The following SYBU variants were observed in gnomAD, a reference collection of about 807,000 sequenced individuals.
The protein encoded by SYBU is syntabulin, also known as GOLSYN A protein.
SYBU carries 21 observed loss-of-function variants against 35.9 expected under a neutral mutation model. That is an observed-to-expected ratio of 0.58 (90% CI 0.41 to 0.84). SYBU has a LOEUF of 0.84. Among genes scored for constraint, SYBU ranks in the 40% least tolerant of loss-of-function variants. SYBU has a pLI of 0.00. For synonymous variants in SYBU, 319 were observed against 324.3 expected (o/e 0.98, Z 0.18); for missense variants, 768 against 848.2 (o/e 0.91, Z 1.17).
intron 3 of SYBU, among the ~76,000 whole-genome samples, chr8:109,592,546 AGG>A (rs2129867233): frequency 6.6e-6 from 1 of 152,312 alleles, no homozygotes; most frequent in South Asian, 2.1e-4. Flanking sequence ...GGAGGCCAAG[AGG>A]GTCAGAGGCA....
rs1212559675 is a variant in SYBU at position 109,577,760 on chromosome 8, G to A, written c.884+108C>T. The A allele has an allele frequency of 2.4e-6, 3 of 1,257,074 alleles. No individual in the cohort carries two copies. In the Admixed American group the frequency reaches 7.8e-5, roughly 33 times the overall value. 77.9% of individuals were successfully genotyped at this position (1,257,074 alleles called of 1,614,324 possible). ...TGACTTTAAAAATTTGACCAAAATT[G>A]AATACAATCATTTTTTCTTTTCTAT... On this transcript the variant is annotated intron_variant, in intron 6 of 6. Coordinates refer to ENST00000276646, the MANE Select transcript of SYBU (RefSeq NM_001099754.2).
chr8:109,639,794 A>G (rs1231104494), intron 2 of SYBU, among the ~76,000 whole-genome samples: 3 of 152,198 alleles, frequency 2.0e-5, no homozygotes, highest in East Asian at 1.9e-4. Flanking sequence ...CTGGTTGGAC[A>G]TGTCTTACAT....
chr8:109,603,120 G>A (rs894201431), intron 3 of SYBU, among the ~76,000 whole-genome samples: 2 of 152,226 alleles, frequency 1.3e-5, no homozygotes, highest in African/African-American at 2.4e-5. Flanking sequence ...GGGATGCCTC[G>A]CTCCTACTTC....
chr8:109,661,346 T>A (rs1430091104), intron 1 of SYBU, among the ~76,000 whole-genome samples: 1 of 152,122 alleles, frequency 6.6e-6, no homozygotes, highest in African/African-American at 2.4e-5. Context: ...AATAAAAAAA[T>A]TATGATGTTT....
rs747028085 is a variant in SYBU, at chr8:109,642,864, C to T, written c.93G>A (p.Arg31=). ...TGTGCTGTTGTTGGGGCATATGGGG[C>T]CGAAGAATCAACCGGGGAATTCGGC... ...SRSRIPRLIL[R]PHMPQQQHKV... The change falls in exon 2 of 7, where the codon CGG becomes CGA. Residue 31 remains arginine, a synonymous_variant. Coordinates refer to ENST00000276646, the MANE Select transcript of SYBU (RefSeq NM_001099754.2). 1 of 1,605,376 alleles carries T rather than the reference C, an allele frequency of 6.2e-7. No individual in the cohort carries two copies. The highest frequency in any genetic ancestry group is 8.5e-7 in the Non-Finnish European group (1 of 1,175,460).
intron 3 of SYBU, among the ~76,000 whole-genome samples, chr8:109,599,030 C>A (rs1825205066): frequency 6.6e-6 from 1 of 152,178 alleles, no homozygotes; most frequent in Non-Finnish European, 1.5e-5. Flanking sequence ...AGACTTGGGG[C>A]AATTTTGCCA....
chr8:109,617,536 T>C (rs1211469074), intron 3 of SYBU, among the ~76,000 whole-genome samples: 1 of 152,208 alleles, frequency 6.6e-6, no homozygotes, highest in African/African-American at 2.4e-5. Context: ...GTCCTAGCCC[T>C]TGGGTACACA....
In SYBU at chr8:109,574,078, C is replaced by T. The variant is rs967981126; in HGVS notation, c.*828G>A. 1 of 152,108 alleles carries T rather than the reference C, an allele frequency of 6.6e-6. No homozygotes were observed. The highest frequency in any genetic ancestry group is 2.4e-5 in the African/African-American group (1 of 41,420). The allele number at this position is 152,108 out of a possible 1,614,324, so 9.4% of individuals were successfully genotyped here. A position where few individuals can be genotyped will look rare whatever the true frequency, so the allele number is the denominator to read the frequency against. On this transcript the variant is annotated 3_prime_UTR_variant, in exon 7 of 7. Coordinates refer to ENST00000276646, the MANE Select transcript of SYBU (RefSeq NM_001099754.2). ...AATAACTAACTCTTTTTCCCTCTTC[C>T]TAATTTAATTCAATTTTTACAGACC...
intron 4 of SYBU, among the ~76,000 whole-genome samples, chr8:109,585,289 A>G (rs906985992): frequency 2.0e-5 from 3 of 152,222 alleles, no homozygotes; most frequent in Admixed American, 6.5e-5. Flanking sequence ...CACCAATTCA[A>G]ATAACATCAA....
chr8:109,612,750 C>T (rs377467186), intron 3 of SYBU, among the ~76,000 whole-genome samples: 1 of 152,082 alleles, frequency 6.6e-6, no homozygotes, highest in Non-Finnish European at 1.5e-5. Context: ...GAGGCCAAGG[C>T]GGGCAGATCA....
chr8:109,590,573 T>G (rs536031232), intron 3 of SYBU, among the ~76,000 whole-genome samples: 1 of 152,118 alleles, frequency 6.6e-6, no homozygotes, highest in East Asian at 1.9e-4. Flanking sequence ...CATAAACAGC[T>G]AAACACAAAA....
chr8:109,603,088 GC>G (rs1426951121), intron 3 of SYBU, among the ~76,000 whole-genome samples: 4 of 152,318 alleles, frequency 2.6e-5, no homozygotes, highest in African/African-American at 7.2e-5. Context: ...CCCAGTGTCC[GC>G]CCCAGGAGGG....
At chr8:109,667,565 C>T (rs1380340424) in intron 1 of SYBU, among the ~76,000 whole-genome samples, 1 of 150,674 alleles carries the variant, frequency 6.6e-6, no homozygotes, top group African/African-American at 2.4e-5. Flanking sequence ...CCTCTCCTAC[C>T]ACATAAAATA....
chr8:109,645,626 G>GTTTTTTTTTTTTTTTTTTTTTTTTTTTT (rs201121007), upstream of SYBU: 81 of 244,820 alleles, frequency 3.3e-4, 7 homozygotes, highest in African/African-American at 2.2e-3. Flanking sequence ...TTGTTGTTTC[G>GTTTTTTTTTTTTTTTTTTTTTTTTTTTT]TTTTTTGTTT....
intron 4 of SYBU, among the ~76,000 whole-genome samples, chr8:109,585,186 AAAC>A (rs1226900522): frequency 1.8e-4 from 28 of 152,334 alleles, no homozygotes; most frequent in African/African-American, 6.5e-4. Context: ...TTAAATGAAT[AAAC>A]AAAGCCACTG....
intron 1 of SYBU, chr8:109,643,172 CATAT>C: frequency 9.1e-7 from 1 of 1,096,666 alleles, no homozygotes. Flanking sequence ...CACACACACA[CATAT>C]ACACACCTCC....
chr8:109,671,500 T>C (rs1262980694), intron 1 of SYBU, among the ~76,000 whole-genome samples: 1 of 152,224 alleles, frequency 6.6e-6, no homozygotes, highest in African/African-American at 2.4e-5. Flanking sequence ...AGTAATGCTC[T>C]TGTGGGTTCT....
chr8:109,647,701 G>A (rs1252350838), upstream of SYBU: 1 of 152,242 alleles, frequency 6.6e-6, no homozygotes, highest in Non-Finnish European at 1.5e-5. Flanking sequence ...AAATGATTCA[G>A]ATAAAGCTGC....
At chr8:109,580,527 A>G (rs1276398239) in intron 4 of SYBU, 2 of 153,540 alleles carry the variant, frequency 1.3e-5, no homozygotes, top group Admixed American at 6.4e-5. Flanking sequence ...CATCATTGGT[A>G]ATTTTGATTA....
Sources: gnomAD v4.1 joint callset for allele counts (sites outside exome capture counted in the v4.1 genomes callset) on GRCh38, gnomAD v4.1.1 for gene constraint, MANE v1.5 for transcripts, NCBI Gene and HGNC (gene_info 2026-07-23, HGNC 2026-07-21) for gene names.